WASHC2A: variants seen among roughly 807,000 people sequenced by gnomAD.
WASHC2A encodes the protein WASH complex subunit 2A.
WASHC2A carries 82 observed loss-of-function variants against 140.3 expected under a neutral mutation model. The observed-to-expected ratio is 0.58, with a 90% CI of 0.49 to 0.70. The LOEUF (loss-of-function observed/expected upper bound fraction) is 0.70, where lower values mean the gene tolerates loss of function less well. Ranked by LOEUF, WASHC2A falls within the 30% of genes least tolerant of loss-of-function variation. WASHC2A has a pLI of 0.00. For missense variants in WASHC2A, 985 were observed against 1,521.8 expected, an observed-to-expected ratio of 0.65 and a Z score of 5.87; for synonymous variants, 340 against 560.8, an observed-to-expected ratio of 0.61 and a Z score of 5.56.
chr10:50,121,033 C>A (rs1320074020), intron 23 of WASHC2A, among the ~76,000 whole-genome samples: 1 of 147,398 alleles, frequency 6.8e-6, no homozygotes, highest in East Asian at 1.9e-4. Context: ...CAGCTGACAT[C>A]ATACTTAATG....
At chr10:50,094,868 C>G (rs1589206350) in intron 13 of WASHC2A, among the ~76,000 whole-genome samples, 1 of 151,038 alleles carries the variant, frequency 6.6e-6, no homozygotes, top group Non-Finnish European at 1.5e-5. Context: ...TGCTCACCTC[C>G]TCCCTTGGTG....
chr10:50,128,053 GACACCTGCAGGTTTCCAGC>G (rs1362933592), intron 28 of WASHC2A, among the ~76,000 whole-genome samples: 1 of 151,258 alleles, frequency 6.6e-6, no homozygotes, highest in Non-Finnish European at 1.5e-5. Context: ...GCTGGTGTCT[GACACCTGCAGGTTTCCAGC>G]ACTGCCACCT....
intron 26 of WASHC2A, 150 bp downstream of exon 26, chr10:50,126,329 C>G: frequency 1.4e-6 from 2 of 1,384,190 alleles, no homozygotes; most frequent in South Asian, 2.7e-5. Context: ...GCACTCCCCC[C>G]AAGTCATCTC....
intron 30 of WASHC2A, 142 bp downstream of exon 30, chr10:50,131,220 G>A (rs1843937074): frequency 1.4e-6 from 1 of 723,800 alleles, no homozygotes; most frequent in African/African-American, 1.7e-5. Flanking sequence ...TTAGGCTGAA[G>A]ATAGGTAAGA....
chr10:50,089,121 T>A (rs1193925624), intron 8 of WASHC2A, among the ~76,000 whole-genome samples: 2 of 151,010 alleles, frequency 1.3e-5, no homozygotes, highest in African/African-American at 4.9e-5. Flanking sequence ...TGTGCCACCA[T>A]GCCCAGCTAG....
intron 4 of WASHC2A, 54 bp downstream of exon 4, chr10:50,078,791 G>T: frequency 6.2e-7 from 1 of 1,611,206 alleles, no homozygotes; most frequent in Non-Finnish European, 8.5e-7. Flanking sequence ...AAATGTGGTG[G>T]AGATCGATGT....
intron 18 of WASHC2A, among the ~76,000 whole-genome samples, chr10:50,105,331 C>G (rs1554888168): frequency 6.7e-6 from 1 of 148,958 alleles, no homozygotes; most frequent in Admixed American, 6.8e-5. Context: ...GTTCATATCC[C>G]AGCTCCACCA....
intron 29 of WASHC2A, among the ~76,000 whole-genome samples, chr10:50,130,269 G>T (rs889352580): frequency 1.3e-5 from 2 of 149,066 alleles, no homozygotes; most frequent in African/African-American, 4.9e-5. Flanking sequence ...CATTGATACT[G>T]GTCTTGGTTT....
At chr10:50,110,313 G>T (rs1346086642) in intron 20 of WASHC2A, 43 bp downstream of exon 20, 11 of 1,606,704 alleles carry the variant, frequency 6.8e-6, no homozygotes, top group Non-Finnish European at 9.4e-6. Context: ...CGTTACCGTG[G>T]TAACAAGAAA....
At chr10:50,127,464 C>T (rs1020165221) in intron 27 of WASHC2A, 119 bp from the exon 28 acceptor site, 140 of 1,608,532 alleles carry the variant, frequency 8.7e-5, no homozygotes, top group Admixed American at 4.5e-4. Context: ...GATTTTCCTA[C>T]GTTTCTCTAC....
chr10:50,102,664 A>T (rs1423067201), intron 17 of WASHC2A, among the ~76,000 whole-genome samples: 2 of 72,094 alleles, frequency 2.8e-5, no homozygotes, highest in Non-Finnish European at 5.0e-5. Flanking sequence ...CCCCATAATT[A>T]AAAAAAAAAA....
Position 50,133,017 on chromosome 10 carries a change from G to A in WASHC2A, c.*72G>A, listed in dbSNP as rs1844122296. The A allele has an allele frequency of 1.2e-6, 2 of 1,609,062 alleles. No individual in the cohort carries two copies. Among genetic ancestry groups the A allele is most frequent in the South Asian group, 2.2e-5 (2 of 90,578 alleles). Reference sequence around the variant, plus strand: ...TAGTGATGATGTTGTATATGCTGATGGTCTTAACTGGATTACAAAAAGCAA... The same window carrying A: ...TAGTGATGATGTTGTATATGCTGATAGTCTTAACTGGATTACAAAAAGCAA... On this transcript the variant is annotated 3_prime_UTR_variant, in exon 31 of 31. Coordinates refer to ENST00000282633, the MANE Select transcript of WASHC2A (RefSeq NM_001005751.3).
intron 13 of WASHC2A, 27 bp from the exon 14 acceptor site, chr10:50,095,121 T>C (rs1308916654): frequency 2.4e-5 from 38 of 1,555,262 alleles, no homozygotes; most frequent in Non-Finnish European, 3.2e-5. Context: ...CCTTGTAAAA[T>C]GGTTACCCCT....
At chr10:50,078,506 T>A (rs879010172) in intron 3 of WASHC2A, 169 bp from the exon 4 acceptor site, 6 of 894,430 alleles carry the variant, frequency 6.7e-6, no homozygotes, top group Non-Finnish European at 8.0e-6. Flanking sequence ...CTTTGCTGTT[T>A]GTCCATGACC....
chr10:50,100,394 T>G (rs1554886384), intron 17 of WASHC2A, among the ~76,000 whole-genome samples: 1 of 151,910 alleles, frequency 6.6e-6, no homozygotes, highest in South Asian at 2.1e-4. Context: ...AGATAGGAGA[T>G]TCACTTGAAC....
rs1280052873 is a variant in WASHC2A at position 50,100,013 on chromosome 10, A to T, written c.1584A>T (p.Ser528=). Residue 528 remains serine (S), a synonymous_variant, in exon 17 of 31, where the codon TCA becomes TCT. Coordinates refer to ENST00000282633, the MANE Select transcript of WASHC2A (RefSeq NM_001005751.3). ...CTTCCAGCAAAAATCTCAAGCCCTC[A>T]TCAGAAACAAAGACTCAAAAAGGCT... ...TLSSSKNLKP[S]SETKTQKGLF... The T allele has an allele frequency of 6.6e-7, 1 of 1,513,746 alleles. No individual in the cohort carries two copies. The highest frequency in any genetic ancestry group is 8.8e-7 in the Non-Finnish European group (1 of 1,130,972). 93.8% of individuals were successfully genotyped at this position (1,513,746 alleles called of 1,614,324 possible).
At chr10:50,109,241 T>A (rs1842056413) in intron 19 of WASHC2A, among the ~76,000 whole-genome samples, 1 of 152,206 alleles carries the variant, frequency 6.6e-6, no homozygotes, top group Non-Finnish European at 1.5e-5. Flanking sequence ...GTTCTTTGAT[T>A]TGAAGGGGTG....
At position 50,127,699 on chromosome 10, in the gene WASHC2A, C is replaced by T. The variant is rs1271336610; in HGVS notation, c.2991C>T (p.His997=). Residue 997 remains histidine (H), a synonymous_variant, in exon 28 of 31, where the codon CAC becomes CAT. Transcript: ENST00000282633. ...CTTCATCTGAACACAGAAGGAGCCA[C>T]GGTCTGGAAAGTGTGCCTGTCCTTC... is the stretch of plus-strand genomic sequence containing the variant. ...AFPSSEHRRS[H]GLESVPVLPG... 26 of 1,580,630 alleles carry T rather than the reference C, an allele frequency of 1.6e-5. No individual in the cohort carries two copies. Among genetic ancestry groups the T allele is most frequent in the South Asian group, 6.8e-5 (6 of 88,516 alleles).
rs1173754662 is a variant in WASHC2A, at chr10:50,130,056, C to T, written c.3708+17C>T. On this transcript the variant is annotated intron_variant, in intron 29 of 30. Transcript: ENST00000282633. Reference sequence around the variant, plus strand: ...ATTTTTGAGGTAATAGGACTTAACACGTTTTTGTGTCTGTTCTAAGTTAAG... The same window carrying T: ...ATTTTTGAGGTAATAGGACTTAACATGTTTTTGTGTCTGTTCTAAGTTAAG... The T allele has an allele frequency of 8.7e-6, 14 of 1,611,696 alleles. No individual in the cohort carries two copies. Among genetic ancestry groups the T allele is most frequent in the South Asian group, 6.6e-5 (6 of 90,952 alleles).
Sources: allele counts gnomAD v4.1 joint callset (sites outside exome capture counted in the v4.1 genomes callset), GRCh38; gene constraint gnomAD v4.1.1; transcripts MANE v1.5; gene names NCBI Gene and HGNC (gene_info 2026-07-23, HGNC 2026-07-21).